ATP9A: variants seen among roughly 807,000 people sequenced by gnomAD.
ATP9A encodes probable phospholipid-transporting ATPase IIA.
Under a neutral mutation model 144.1 loss-of-function variants are expected in ATP9A, and 52 were observed. That is an observed-to-expected ratio of 0.36 (90% CI 0.29 to 0.45). ATP9A has a LOEUF of 0.45. Among genes scored for constraint, ATP9A ranks in the 20% least tolerant of loss-of-function variants. The probability of loss-of-function intolerance (pLI) is 1.00; values close to 1 mark genes in which losing one functional copy is unlikely to be tolerated. For synonymous variants in ATP9A, 582 were observed against 557.4 expected (o/e 1.04, Z -0.62); for missense variants, 947 against 1,392.7 (o/e 0.68, Z 5.09).
intron 24 of ATP9A, 25 bp downstream of exon 24, chr20:51,610,072 CAATT>C: frequency 6.4e-7 from 1 of 1,552,548 alleles, no homozygotes; most frequent in Non-Finnish European, 8.9e-7. Context: ...GTTTTGTAAA[CAATT>C]AATTCCTTGG....
chr20:51,716,336 C>T (rs900476941), intron 3 of ATP9A, among the ~76,000 whole-genome samples: 5 of 151,996 alleles, frequency 3.3e-5, no homozygotes. Flanking sequence ...GTGGCTCACA[C>T]CTATAATCCC....
intron 9 of ATP9A, among the ~76,000 whole-genome samples, chr20:51,686,772 T>C (rs954818654): frequency 6.6e-5 from 10 of 152,044 alleles, no homozygotes; most frequent in Non-Finnish European, 1.0e-4. Flanking sequence ...CCATCTTTAC[T>C]AAAAATACAA....
chr20:51,618,554 G>C, intron 21 of ATP9A, 108 bp downstream of exon 21: 1 of 1,444,734 alleles, frequency 6.9e-7, no homozygotes, highest in Non-Finnish European at 9.2e-7. Flanking sequence ...TGAACAAAGG[G>C]GCCTGGGGAA....
At chr20:51,670,161 T>A in intron 12 of ATP9A, 52 bp from the exon 13 acceptor site, 2 of 1,386,960 alleles carry the variant, frequency 1.4e-6, no homozygotes, top group South Asian at 2.3e-5. Flanking sequence ...ATGTTTGTTA[T>A]TATTAACAGT....
rs570327155 is a variant in ATP9A at position 51,736,705 on chromosome 20, T to C, written c.69-6727A>G. Among the ~76,000 whole-genome samples, 409 of 152,248 alleles carry C rather than the reference T, an allele frequency of 2.7e-3. 3 individuals are homozygous for C. Among genetic ancestry groups the C allele is most frequent in the Middle Eastern group, 6.8e-3 (2 of 294 alleles). The stretch of plus-strand genomic sequence containing the variant: ...ACTCTACAAATACACTAAAACTTGC[T>C]GAATTGTACACTTTAAATAGGTGAA... On this transcript the variant is annotated intron_variant, in intron 1 of 27. Coordinates refer to ENST00000338821, the MANE Select transcript of ATP9A (RefSeq NM_006045.3).
chr20:51,659,526 C>A (rs1248722933), intron 13 of ATP9A, among the ~76,000 whole-genome samples: 1 of 152,102 alleles, frequency 6.6e-6, no homozygotes, highest in Admixed American at 6.5e-5. Context: ...TTTTAAATCA[C>A]AGATTTAGAC....
Position 51,676,224 on chromosome 20 carries a change from G to GAAAAAAAAAAA in ATP9A, c.800-27_800-17dup. Reference sequence around the variant, plus strand: ...ACAACAGTACCTAAAATGGAAAAAAGAAAAAAAAAAAAAGAAAAGAAATAT... The same window carrying GAAAAAAAAAAA: ...ACAACAGTACCTAAAATGGAAAAAAGAAAAAAAAAAAAAAAAAAAAAAAAGAAAAGAAATAT... On this transcript the variant is annotated splice_polypyrimidine_tract_variant and intron_variant, in intron 9 of 27. Coordinates refer to ENST00000338821, the MANE Select transcript of ATP9A (RefSeq NM_006045.3). 2.5e-6 allele frequency: 3 copies of GAAAAAAAAAAA among 1,223,422 alleles called. No homozygotes were observed. Among genetic ancestry groups the GAAAAAAAAAAA allele is most frequent in the Non-Finnish European group, 2.2e-6 (2 of 893,828 alleles). The allele number at this position is 1,223,422 out of a possible 1,614,324, so 75.8% of individuals were successfully genotyped here.
intron 4 of ATP9A, among the ~76,000 whole-genome samples, chr20:51,702,145 T>C (rs2077595890): frequency 6.6e-6 from 1 of 151,566 alleles, no homozygotes; most frequent in South Asian, 2.1e-4. Context: ...TAAAAATATA[T>C]AAAATTAGCC....
At chr20:51,603,983 G>A (rs955235226) in intron 27 of ATP9A, among the ~76,000 whole-genome samples, 1 of 152,022 alleles carries the variant, frequency 6.6e-6, no homozygotes, top group Non-Finnish European at 1.5e-5. Context: ...GTTTCACCAT[G>A]TTGACCAGAC....
intron 1 of ATP9A, among the ~76,000 whole-genome samples, chr20:51,740,227 TA>T (rs1237063391): frequency 6.6e-6 from 1 of 151,408 alleles, no homozygotes; most frequent in African/African-American, 2.4e-5. Flanking sequence ...TGGCATATTT[TA>T]TAATTTTTTG....
intron 14 of ATP9A, among the ~76,000 whole-genome samples, chr20:51,645,158 G>A (rs1269591128): frequency 2.0e-5 from 3 of 152,202 alleles, no homozygotes; most frequent in African/African-American, 7.2e-5. Context: ...CCTCTCAGTG[G>A]AGCTTAGGAG....
At chr20:51,610,684 G>A (rs2077181649) in intron 23 of ATP9A, among the ~76,000 whole-genome samples, 1 of 152,048 alleles carries the variant, frequency 6.6e-6, no homozygotes, top group Non-Finnish European at 1.5e-5. Context: ...CTTCTAAACA[G>A]CTCGGAATCC....
chr20:51,622,569 C>T (rs1354882756), intron 18 of ATP9A, among the ~76,000 whole-genome samples: 1 of 152,216 alleles, frequency 6.6e-6, no homozygotes, highest in African/African-American at 2.4e-5. Flanking sequence ...ATTTTTGACG[C>T]TGTGGACTTT....
chr20:51,693,153 A>T (rs2077555542), intron 7 of ATP9A, among the ~76,000 whole-genome samples: 2 of 152,232 alleles, frequency 1.3e-5, no homozygotes, highest in Admixed American at 1.3e-4. Context: ...ACGGCAGAGA[A>T]TACAACAGGA....
At chr20:51,751,288 G>A (rs1294131601) in intron 1 of ATP9A, among the ~76,000 whole-genome samples, 2 of 132,886 alleles carry the variant, frequency 1.5e-5, no homozygotes, top group South Asian at 2.5e-4. Flanking sequence ...TTGAGACAGC[G>A]TCACACTCCA....
intron 13 of ATP9A, among the ~76,000 whole-genome samples, chr20:51,664,869 G>A (rs1015210589): frequency 8.7e-5 from 13 of 149,924 alleles, no homozygotes; most frequent in African/African-American, 2.7e-4. Flanking sequence ...ACAGGTGCCC[G>A]CCACCACCCC....
At chr20:51,735,484 C>A (rs1209052102) in intron 1 of ATP9A, among the ~76,000 whole-genome samples, 1 of 152,194 alleles carries the variant, frequency 6.6e-6, no homozygotes, top group Non-Finnish European at 1.5e-5. Context: ...AATGTTTCTG[C>A]AGCTAAATTC....
intron 27 of ATP9A, among the ~76,000 whole-genome samples, chr20:51,602,325 C>A (rs1282692485): frequency 6.6e-6 from 1 of 152,216 alleles, no homozygotes; most frequent in African/African-American, 2.4e-5. Context: ...AATGCAGCTG[C>A]CACTGAGGCA....
chr20:51,681,601 T>G (rs534411483), intron 9 of ATP9A, among the ~76,000 whole-genome samples: 18 of 152,162 alleles, frequency 1.2e-4, no homozygotes, highest in African/African-American at 4.3e-4. Context: ...TTTGTATTTT[T>G]AGTAGAGATG....
Sources: allele counts gnomAD v4.1 joint callset (sites outside exome capture counted in the v4.1 genomes callset), GRCh38; gene constraint gnomAD v4.1.1; transcripts MANE v1.5; gene names NCBI Gene and HGNC (gene_info 2026-07-23, HGNC 2026-07-21).